The following SHC4 variants were observed in gnomAD, a reference collection of about 807,000 sequenced individuals.
SHC4 encodes the protein SHC adaptor protein 4, also known as SHC-transforming protein 4.
A neutral mutation model predicts 69.4 loss-of-function variants in SHC4; 41 were observed. The observed-to-expected ratio is 0.59, with a 90% CI of 0.46 to 0.77. SHC4 has a LOEUF of 0.77. SHC4 is among the 30% of genes least tolerant of loss of function. The pLI is 0.00. For synonymous variants in SHC4, 318 were observed against 299.3 expected (o/e 1.06, Z -0.64); for missense variants, 777 against 783.8 (o/e 0.99, Z 0.10).
chr15:48,914,878 C>G (rs1341952693), intron 2 of SHC4, among the ~76,000 whole-genome samples: 3 of 152,164 alleles, frequency 2.0e-5, no homozygotes, highest in Non-Finnish European at 4.4e-5. Flanking sequence ...TTTCTATCTT[C>G]CCCAACTGAA....
At chr15:48,832,989 T>G (rs944736691) in intron 11 of SHC4, among the ~76,000 whole-genome samples, 1 of 152,256 alleles carries the variant, frequency 6.6e-6, no homozygotes, top group South Asian at 2.1e-4. Context: ...TTATACTTAT[T>G]TTGAATTCTT....
At chr15:48,915,288 C>G (rs1364171049) in intron 2 of SHC4, among the ~76,000 whole-genome samples, 5 of 152,192 alleles carry the variant, frequency 3.3e-5, no homozygotes, top group Non-Finnish European at 5.9e-5. Context: ...TTCATACCCT[C>G]TCTGTCTGCA....
intron 1 of SHC4, among the ~76,000 whole-genome samples, chr15:48,941,351 A>T (rs1338306530): frequency 6.6e-6 from 1 of 152,222 alleles, no homozygotes; most frequent in Non-Finnish European, 1.5e-5. Context: ...TCAGTGGAGT[A>T]GTCAACGTAG....
chr15:48,953,500 C>T (rs1901397905), intron 1 of SHC4, among the ~76,000 whole-genome samples: 1 of 152,114 alleles, frequency 6.6e-6, no homozygotes, highest in Non-Finnish European at 1.5e-5. Context: ...ATGCTTGCTA[C>T]TTATAAGCAT....
chr15:48,851,975 G>C (rs1209230773), intron 8 of SHC4, among the ~76,000 whole-genome samples: 1 of 152,206 alleles, frequency 6.6e-6, no homozygotes, highest in Non-Finnish European at 1.5e-5. Flanking sequence ...CTTGAAGACT[G>C]AACTGATATG....
At chr15:48,851,319 A>G (rs1371792280) in intron 8 of SHC4, 71 bp from the exon 9 acceptor site, 2 of 1,446,150 alleles carry the variant, frequency 1.4e-6, no homozygotes, top group Non-Finnish European at 1.9e-6. Flanking sequence ...GAAAAAATTT[A>G]TAATAATCCC....
intron 10 of SHC4, among the ~76,000 whole-genome samples, chr15:48,842,323 C>T (rs538960494): frequency 6.6e-6 from 1 of 152,200 alleles, no homozygotes; most frequent in Non-Finnish European, 1.5e-5. Context: ...CTATCCCTAA[C>T]AGAAACAGTA....
intron 10 of SHC4, among the ~76,000 whole-genome samples, chr15:48,837,614 GAGA>G (rs1441148694): frequency 2.0e-5 from 3 of 151,980 alleles, no homozygotes; most frequent in Non-Finnish European, 4.4e-5. Flanking sequence ...CATATTTTCT[GAGA>G]AGAAGTAGTG....
Position 48,872,151 on chromosome 15 carries a change from CAT to C in SHC4, c.841-11_841-10del. The C allele has an allele frequency of 6.7e-7, 1 of 1,501,824 alleles. No individual in the cohort carries two copies. The highest frequency in any genetic ancestry group is 1.4e-5 in the African/African-American group (1 of 72,164). 93.0% of individuals were successfully genotyped at this position (1,501,824 alleles called of 1,614,324 possible). A position where few individuals can be genotyped will look rare whatever the true frequency, so the allele number is the denominator to read the frequency against. ...TGATGATTTGCAATAATCTGAAAAA[CAT>C]AAACATGTATACTAATATAAATTAA... On this transcript the variant is annotated splice_polypyrimidine_tract_variant and intron_variant, in intron 4 of 11. Transcript: ENST00000332408.
chr15:48,835,510 T>A (rs1898882240), intron 10 of SHC4, among the ~76,000 whole-genome samples: 1 of 152,220 alleles, frequency 6.6e-6, no homozygotes, highest in East Asian at 1.9e-4. Flanking sequence ...TTAGTGTGTG[T>A]CTAGTCATTC....
chr15:48,914,547 A>G (rs1390622747), intron 2 of SHC4, among the ~76,000 whole-genome samples: 1 of 152,196 alleles, frequency 6.6e-6, no homozygotes. Context: ...TGCTGTCAAG[A>G]AATTAGAAGA....
intron 2 of SHC4, among the ~76,000 whole-genome samples, chr15:48,923,860 C>T (rs1595759270): frequency 6.6e-6 from 1 of 151,988 alleles, no homozygotes; most frequent in Non-Finnish European, 1.5e-5. Context: ...TGGCTGGTCT[C>T]AAACTCTTGG....
chr15:48,878,378 G>A, intron 4 of SHC4: 2 of 1,612,784 alleles, frequency 1.2e-6, no homozygotes, highest in Non-Finnish European at 1.7e-6. Context: ...GCCAATGGCG[G>A]CGCCAGAGGG....
intron 2 of SHC4, among the ~76,000 whole-genome samples, chr15:48,923,219 A>T (rs1900782561): frequency 6.6e-6 from 1 of 152,204 alleles, no homozygotes; most frequent in Admixed American, 6.5e-5. Flanking sequence ...CATTTCTGTT[A>T]TACGAGAAAA....
chr15:48,888,871 A>G (rs2141004841), intron 3 of SHC4, among the ~76,000 whole-genome samples: 1 of 129,376 alleles, frequency 7.7e-6, no homozygotes, highest in South Asian at 2.7e-4. Flanking sequence ...TGGGTGACAG[A>G]GTGAAACTGT....
chr15:48,961,743 G>A (rs1385114609), intron 1 of SHC4, among the ~76,000 whole-genome samples: 2 of 152,310 alleles, frequency 1.3e-5, no homozygotes, highest in East Asian at 3.9e-4. Context: ...AAAGGGCACA[G>A]GCCAAATCTT....
At chr15:48,913,286 T>C (rs1394312669) in intron 2 of SHC4, among the ~76,000 whole-genome samples, 4 of 151,888 alleles carry the variant, frequency 2.6e-5, no homozygotes, top group Non-Finnish European at 4.4e-5. Context: ...CTGTGGGGGA[T>C]GTGGGTGGGG....
chr15:48,861,749 T>C (rs1899447898), intron 6 of SHC4, among the ~76,000 whole-genome samples: 1 of 152,194 alleles, frequency 6.6e-6, no homozygotes, highest in African/African-American at 2.4e-5. Flanking sequence ...CAGGATGGGC[T>C]CACACTTCCA....
intron 1 of SHC4, among the ~76,000 whole-genome samples, chr15:48,929,350 T>C (rs1436398234): frequency 1.3e-5 from 2 of 152,216 alleles, no homozygotes; most frequent in African/African-American, 4.8e-5. Flanking sequence ...ATGGGCTCTG[T>C]TCTTAAGAAA....
Sources: allele counts gnomAD v4.1 joint callset (sites outside exome capture counted in the v4.1 genomes callset), GRCh38; gene constraint gnomAD v4.1.1; transcripts MANE v1.5; gene names NCBI Gene and HGNC (gene_info 2026-07-23, HGNC 2026-07-21).